Variants in SARS2 observed in about 807,000 individuals in gnomAD.
SARS2 encodes serine--tRNA ligase, mitochondrial.
SARS2 carries 52 observed loss-of-function variants against 66.8 expected under a neutral mutation model. The ratio of observed to expected loss-of-function variants is 0.78; its 90% CI spans 0.62 to 0.98. The LOEUF is 0.98. SARS2 is among the 50% of genes least tolerant of loss of function. The probability of loss-of-function intolerance (pLI) is 0.00; values close to 1 mark genes in which losing one functional copy is unlikely to be tolerated. For synonymous variants in SARS2, 306 were observed against 281.4 expected (o/e 1.09, Z -0.87); for missense variants, 673 against 706.3 (o/e 0.95, Z 0.53).
At chr19:38,929,773 C>T (rs1974697868) in intron 1 of SARS2, among the ~76,000 whole-genome samples, 1 of 152,146 alleles carries the variant, frequency 6.6e-6, no homozygotes, top group Admixed American at 6.6e-5. Context: ...GCACTTCAAA[C>T]AGGCTGGGAG....
rs1338054976 is a variant in SARS2, at chr19:38,918,534, G to A, written c.808-4C>T. 1 of 1,605,722 alleles carries A rather than the reference G, an allele frequency of 6.2e-7. No homozygotes were observed. The highest frequency in any genetic ancestry group is 1.3e-5 in the African/African-American group (1 of 74,874). ...TTGGTGTCATCCCACAGCCTTCCTG[G>A]GGGAGGAGGCCAGGCCACAGGGATC... On this transcript the variant is annotated splice_region_variant and splice_polypyrimidine_tract_variant and intron_variant, in intron 8 of 15. Coordinates refer to ENST00000221431, the MANE Select transcript of SARS2 (RefSeq NM_017827.4).
Position 38,919,821 on chromosome 19 carries a change from C to G in SARS2, c.700G>C (p.Ala234Pro), listed in dbSNP as rs759199778. The G allele has an allele frequency of 4.3e-6, 7 of 1,614,170 alleles. No individual in the cohort carries two copies. The highest frequency in any genetic ancestry group is 1.7e-5 in the Admixed American group (1 of 60,030). ...SGHRSYYLRG[A>P]GALLQHGLVN... ...AGGCCGTGCTGCAGGAGGGCTCCAG[C>G]CCCGCGCAGGTAATAGGACCGGTGG... is the stretch of plus-strand genomic sequence containing the variant. The change falls in exon 7 of 16, where the codon GCT (alanine) becomes CCT (proline). Residue 234 changes from alanine (A) to proline (P), a missense_variant. Transcript: ENST00000221431.
At chr19:38,925,592 C>T (rs142113939) in intron 2 of SARS2, among the ~76,000 whole-genome samples, 33 of 152,326 alleles carry the variant, frequency 2.2e-4, no homozygotes, top group African/African-American at 7.5e-4. Context: ...AAGTCTCTGT[C>T]TCCTTCCCCT....
At position 38,920,076 on chromosome 19, in the gene SARS2, AG is replaced by A. The variant is rs757221925; in HGVS notation, c.653+9del. ...GGAGAGGGGCGTGGGGAGCCAGGGGAGGGGCTCACTTCTGACGGATGATGTC... is the reference window on the plus strand; with the variant it reads ...GGAGAGGGGCGTGGGGAGCCAGGGGAGGGCTCACTTCTGACGGATGATGTC... On this transcript the variant is annotated intron_variant, in intron 6 of 15. Transcript: ENST00000221431. The A allele has an allele frequency of 3.9e-6, 6 of 1,557,544 alleles. No homozygotes were observed. Among genetic ancestry groups the A allele is most frequent in the Non-Finnish European group, 4.3e-6 (5 of 1,149,980 alleles).
At position 38,921,402 on chromosome 19, in the gene SARS2, TCCGA is replaced by T. The variant is rs746317177; in HGVS notation, c.575_578del (p.Val192GlufsTer66). ...TGGGGTGTGGCCCACCTGGCTTGTC[TCCGA>T]CCATGTGGAGCACTCGAGCCTGGCT... On this transcript the variant is annotated frameshift_variant, in exon 5 of 16. Coordinates refer to ENST00000221431, the MANE Select transcript of SARS2 (RefSeq NM_017827.4). LOFTEE classifies it high-confidence loss of function. 5.0e-6 allele frequency: 8 copies of T among 1,613,412 alleles called. No homozygotes were observed. The highest frequency in any genetic ancestry group is 1.7e-5 in the Admixed American group (1 of 60,006).
intron 2 of SARS2, among the ~76,000 whole-genome samples, chr19:38,925,292 AAC>A (rs961581338): frequency 2.0e-5 from 3 of 152,158 alleles, no homozygotes; most frequent in African/African-American, 7.2e-5. Flanking sequence ...CAGCCTGGGT[AAC>A]AGAGTGAGAC....
chr19:38,925,825 T>C (rs1974617304), intron 2 of SARS2, among the ~76,000 whole-genome samples: 1 of 152,124 alleles, frequency 6.6e-6, no homozygotes. Context: ...CACGCTTGCT[T>C]ATTTATTTAT....
intron 1 of SARS2, among the ~76,000 whole-genome samples, chr19:38,927,550 C>T (rs771986762): frequency 5.3e-5 from 8 of 149,948 alleles, no homozygotes; most frequent in Admixed American, 1.3e-4. Flanking sequence ...TGCACTCCAG[C>T]GTGGGTGACA....
chr19:38,922,317 G>C (rs994457574), intron 2 of SARS2, 50 bp from the exon 3 acceptor site: 3 of 1,590,134 alleles, frequency 1.9e-6, no homozygotes, highest in Non-Finnish European at 2.6e-6. Flanking sequence ...AGTCGAGGGT[G>C]GGGAAGAGAA....
In SARS2 at chr19:38,918,422, C is replaced by A; in HGVS notation, c.916G>T (p.Gly306Cys). Reference protein sequence around the residue: ...LAGTAEVGLAGYFMDHTVAFR... With the variant: ...LAGTAEVGLACYFMDHTVAFR... The stretch of plus-strand genomic sequence containing the variant: ...CCCCACCACCCACACAGGTCCTCAC[C>A]TGCAAGCCCCACCTCCGCTGTTCCA... The change falls in exon 9 of 16, where the codon GGC becomes TGC. Residue 306 changes from glycine to cysteine, a missense_variant and splice_region_variant. Transcript: ENST00000221431. 1 of 1,613,324 alleles carries A rather than the reference C, an allele frequency of 6.2e-7. No homozygotes were observed. Among genetic ancestry groups the A allele is most frequent in the East Asian group, 2.2e-5 (1 of 44,874 alleles).
At chr19:38,922,812 C>T (rs1324777181) in intron 2 of SARS2, among the ~76,000 whole-genome samples, 6 of 152,098 alleles carry the variant, frequency 3.9e-5, no homozygotes, top group Admixed American at 2.6e-4. Context: ...CTTCCCCTTC[C>T]GCCATGATTT....
intron 2 of SARS2, among the ~76,000 whole-genome samples, chr19:38,924,719 C>A (rs531456317): frequency 6.6e-6 from 1 of 152,284 alleles, no homozygotes. Context: ...TCATAGCTAA[C>A]TGCAGCCTCA....
chr19:38,928,546 T>G (rs1320168814), intron 1 of SARS2, among the ~76,000 whole-genome samples: 1 of 151,812 alleles, frequency 6.6e-6, no homozygotes, highest in African/African-American at 2.4e-5. Context: ...CAATTTTGGG[T>G]GTGTGTACTG....
intron 9 of SARS2, 22 bp downstream of exon 9, chr19:38,918,400 C>T (rs745416138): frequency 6.3e-6 from 10 of 1,597,146 alleles, no homozygotes; most frequent in Non-Finnish European, 7.7e-6. Context: ...TGCTCCTCCC[C>T]ACCACCCACA....
intron 3 of SARS2, chr19:38,921,985 C>G: frequency 6.4e-7 from 1 of 1,551,854 alleles, no homozygotes; most frequent in Non-Finnish European, 8.7e-7. Flanking sequence ...GCGTGCTTGA[C>G]TTTGCCTCCT....
intron 7 of SARS2, among the ~76,000 whole-genome samples, 188 bp downstream of exon 7, chr19:38,919,574 G>A (rs1288256387): frequency 6.6e-6 from 1 of 152,244 alleles, no homozygotes; most frequent in Non-Finnish European, 1.5e-5. Flanking sequence ...AGCCCTCTCT[G>A]TAAAGTGGGG....
At chr19:38,923,867 G>A (rs545430435) in intron 2 of SARS2, among the ~76,000 whole-genome samples, 3 of 152,146 alleles carry the variant, frequency 2.0e-5, no homozygotes, top group East Asian at 3.9e-4. Context: ...CCAGCTACTC[G>A]GGAGGCTGAG....
At position 38,919,764 on chromosome 19, in the gene SARS2, G is replaced by C. The variant is rs752273348; in HGVS notation, c.757C>G (p.Arg253Gly). 1.1e-5 allele frequency: 17 copies of C among 1,613,720 alleles called. No individual in the cohort carries two copies. The highest frequency in any genetic ancestry group is 1.4e-5 in the Non-Finnish European group (17 of 1,179,604). ...AGCCCTCCTATCTTGGCCCATACCC[G>C]GCGGAGAAGCTTGTTGAATGTGAAG... ...VNFTFNKLLR[R>G]GFTPMTVPDL... Residue 253 changes from arginine to glycine, a missense_variant and splice_region_variant, in exon 7 of 16, where the codon CGG becomes GGG. Physicochemically the swap from Arg to Gly is moderately radical, Grantham distance 125. Transcript: ENST00000221431.
chr19:38,921,959 T>A (rs767161407), intron 3 of SARS2: 2 of 1,550,348 alleles, frequency 1.3e-6, no homozygotes, highest in Non-Finnish European at 8.7e-7. Flanking sequence ...GGACTTTAAC[T>A]GGAACTATCA....
Sources: allele counts gnomAD v4.1 joint callset (sites outside exome capture counted in the v4.1 genomes callset), GRCh38; gene constraint gnomAD v4.1.1; transcripts MANE v1.5; gene names NCBI Gene and HGNC (gene_info 2026-07-23, HGNC 2026-07-21).